JAK2: variants seen among roughly 807,000 people sequenced by gnomAD.
JAK2 encodes the protein Janus kinase 2, also known as tyrosine-protein kinase JAK2.
JAK2 carries 86 observed loss-of-function variants against 139.3 expected under a neutral mutation model. The observed-to-expected ratio is 0.62, with a 90% CI of 0.52 to 0.74. The LOEUF (loss-of-function observed/expected upper bound fraction) is 0.74, where lower values mean the gene tolerates loss of function less well. JAK2 is among the 30% of genes least tolerant of loss of function. The probability of loss-of-function intolerance (pLI) is 0.00; values close to 1 mark genes in which losing one functional copy is unlikely to be tolerated. For synonymous variants in JAK2, 490 were observed against 437.7 expected (o/e 1.12, Z -1.49); for missense variants, 1,421 against 1,360.3 (o/e 1.04, Z -0.70).
At chr9:5,093,739 C>G (rs762355611) in intron 22 of JAK2, among the ~76,000 whole-genome samples, 1 of 152,170 alleles carries the variant, frequency 6.6e-6, no homozygotes, top group Non-Finnish European at 1.5e-5. Flanking sequence ...CTAGGGATAA[C>G]AGTGCAATCC....
rs748737601 is a variant in JAK2, at chr9:5,022,231, G to A, written c.226+18G>A. Reference sequence around the variant, plus strand: ...AGCTTGTGGTAAGTATTAAAAAACAGCATTTTCCTTTTTATGCATGGATTG... The same window carrying A: ...AGCTTGTGGTAAGTATTAAAAAACAACATTTTCCTTTTTATGCATGGATTG... On this transcript the variant is annotated intron_variant, in intron 3 of 24. Transcript: ENST00000381652. 8 of 1,564,322 alleles carry A rather than the reference G, an allele frequency of 5.1e-6. No individual in the cohort carries two copies.
chr9:5,002,921 AGATAGAAGTTAAGG>A (rs1435243704), intron 2 of JAK2, among the ~76,000 whole-genome samples: 3 of 152,120 alleles, frequency 2.0e-5, no homozygotes, highest in East Asian at 3.9e-4. Flanking sequence ...CGTATGAAGT[AGATAGAAGTTAAGG>A]TTATTTTTTG....
intron 7 of JAK2, 140 bp downstream of exon 7, chr9:5,055,024 A>G (rs981695476): frequency 1.7e-5 from 9 of 530,626 alleles, no homozygotes; most frequent in Non-Finnish European, 2.9e-5. Flanking sequence ...GCGTGAACCT[A>G]TCAAGGTCAT....
At chr9:5,104,720 C>G (rs563597856) in intron 22 of JAK2, among the ~76,000 whole-genome samples, 3 of 152,166 alleles carry the variant, frequency 2.0e-5, no homozygotes, top group African/African-American at 7.2e-5. Context: ...ACGATCAAGT[C>G]GGCTTCATCC....
At chr9:5,042,570 T>G (rs1039165468) in intron 4 of JAK2, among the ~76,000 whole-genome samples, 3 of 151,628 alleles carry the variant, frequency 2.0e-5, no homozygotes, top group East Asian at 1.9e-4. Context: ...CTGAAGTGAG[T>G]AGTGGGATCC....
intron 18 of JAK2, among the ~76,000 whole-genome samples, chr9:5,080,892 CTTTTTTTTTT>C (rs33925764): frequency 2.1e-5 from 2 of 95,586 alleles, no homozygotes; most frequent in East Asian, 5.4e-4. Flanking sequence ...AAGACCTTTT[CTTTTTTTTTT>C]TTTTTTTTTT....
intron 4 of JAK2, among the ~76,000 whole-genome samples, chr9:5,038,067 A>G (rs904995661): frequency 3.9e-5 from 6 of 152,180 alleles, no homozygotes; most frequent in African/African-American, 1.4e-4. Flanking sequence ...TCTTATAACT[A>G]GTGATGCTGA....
intron 4 of JAK2, chr9:5,041,693 C>T: frequency 3.9e-6 from 2 of 507,400 alleles, no homozygotes; most frequent in South Asian, 1.5e-5. Context: ...ACCGAAGCGG[C>T]TTCGTGTTCG....
At chr9:5,085,927 C>G (rs1054463067) in intron 19 of JAK2, 5 of 1,075,244 alleles carry the variant, frequency 4.7e-6, no homozygotes, top group Non-Finnish European at 5.8e-6. Flanking sequence ...CCTTTCAAGT[C>G]TCTCCAACCG....
chr9:5,046,140 A>G (rs1414082443), intron 5 of JAK2, among the ~76,000 whole-genome samples: 1 of 152,178 alleles, frequency 6.6e-6, no homozygotes, highest in Non-Finnish European at 1.5e-5. Context: ...GATCATGAGC[A>G]TCTTTTCATA....
At chr9:5,111,926 T>A (rs748549012) in intron 22 of JAK2, 1 of 348,128 alleles carries the variant, frequency 2.9e-6, no homozygotes, top group Admixed American at 3.6e-5. Context: ...CAATCTACTC[T>A]CCGGATCACT....
intron 2 of JAK2, among the ~76,000 whole-genome samples, chr9:4,993,330 C>T (rs1158482299): frequency 6.6e-6 from 1 of 152,182 alleles, no homozygotes. Flanking sequence ...GATCTTTGCT[C>T]TGAGGCCCTT....
intron 5 of JAK2, 39 bp downstream of exon 5, chr9:5,044,559 A>G (rs780937778): frequency 1.7e-5 from 21 of 1,226,600 alleles, no homozygotes; most frequent in Admixed American, 2.2e-5. Context: ...GAGTTAAATG[A>G]TAAATATCTT....
chr9:5,111,175 T>A (rs572784592), intron 22 of JAK2: 20 of 726,486 alleles, frequency 2.8e-5, no homozygotes, highest in Middle Eastern at 7.1e-4. Flanking sequence ...CGGCAGCCAC[T>A]CTCCATTCAC....
chr9:5,112,678 G>A, intron 22 of JAK2: 1 of 938,512 alleles, frequency 1.1e-6, no homozygotes, highest in Non-Finnish European at 1.5e-6. Flanking sequence ...AGGCCGTCTC[G>A]GTCATCCTGA....
rs1821890220 is a variant in JAK2 at position 5,014,121 on chromosome 9, T to C, written c.-25-7842T>C. Among the ~76,000 whole-genome samples, 3 of 152,044 alleles carry C rather than the reference T, an allele frequency of 2.0e-5. No individual in the cohort carries two copies. In the South Asian group the frequency reaches 6.2e-4, roughly 32 times the overall value. ...TGAGGTACTGGTTTTTGAGTGTATG[T>C]GTACAGTTGATTAAAATTTATTATA... On this transcript the variant is annotated intron_variant, in intron 2 of 24. Coordinates refer to ENST00000381652, the MANE Select transcript of JAK2 (RefSeq NM_004972.4).
chr9:5,017,021 A>G (rs1029639673), intron 2 of JAK2, among the ~76,000 whole-genome samples: 5 of 152,254 alleles, frequency 3.3e-5, no homozygotes, highest in African/African-American at 1.2e-4. Context: ...AAACCTTTCC[A>G]AAAATATTGC....
intron 22 of JAK2, among the ~76,000 whole-genome samples, chr9:5,105,162 G>C (rs1045364636): frequency 6.6e-6 from 1 of 152,068 alleles, no homozygotes; most frequent in Non-Finnish European, 1.5e-5. Flanking sequence ...AGAAAACTTG[G>C]TCATCTCAGC....
chr9:5,028,651 G>C (rs973163936), intron 3 of JAK2, among the ~76,000 whole-genome samples: 2 of 152,166 alleles, frequency 1.3e-5, no homozygotes, highest in Non-Finnish European at 2.9e-5. Context: ...AGTGATCTTT[G>C]TTAGATCTTT....
Sources: allele counts gnomAD v4.1 joint callset (sites outside exome capture counted in the v4.1 genomes callset), GRCh38; gene constraint gnomAD v4.1.1; transcripts MANE v1.5; gene names NCBI Gene and HGNC (gene_info 2026-07-23, HGNC 2026-07-21).